Variants in DCAF1 observed in about 807,000 individuals in gnomAD.
The protein encoded by DCAF1 is DDB1- and CUL4-associated factor 1.
In DCAF1, 15 loss-of-function variants were observed where a neutral mutation model predicts 128.0. That is an observed-to-expected ratio of 0.12 (90% CI 0.08 to 0.18). The LOEUF is 0.18. DCAF1 is among the 10% of genes least tolerant of loss of function. The pLI is 1.00. For synonymous variants in DCAF1, 610 were observed against 603.0 expected (o/e 1.01, Z -0.17); for missense variants, 988 against 1,649.5 (o/e 0.60, Z 6.95).
chr3:51,497,412 C>T (rs1272771109), intron 1 of DCAF1, among the ~76,000 whole-genome samples: 2 of 151,450 alleles, frequency 1.3e-5, no homozygotes, highest in African/African-American at 4.9e-5. Context: ...CATGGTGAAA[C>T]CCCGTGTCTA....
chr3:51,427,188 A>G (rs1175965668), intron 13 of DCAF1, among the ~76,000 whole-genome samples, 184 bp downstream of exon 13: 2 of 152,246 alleles, frequency 1.3e-5, no homozygotes, highest in Non-Finnish European at 2.9e-5. Flanking sequence ...AAGACCATAT[A>G]TATGAACAAG....
At chr3:51,444,361 A>T (rs782277303) in intron 6 of DCAF1, among the ~76,000 whole-genome samples, 182 of 133,358 alleles carry the variant, frequency 1.4e-3, no homozygotes, top group South Asian at 5.9e-3. Flanking sequence ...CCTTCTTTTT[A>T]AAAAAAAAAA....
intron 9 of DCAF1, 72 bp downstream of exon 9, chr3:51,440,898 T>TC: frequency 1.5e-6 from 2 of 1,294,904 alleles, no homozygotes; most frequent in Admixed American, 4.2e-5. Flanking sequence ...AGAGTGAGAC[T>TC]CCATCTTAAA....
intron 10 of DCAF1, among the ~76,000 whole-genome samples, chr3:51,431,257 AC>A (rs1448915273): frequency 2.6e-5 from 4 of 151,834 alleles, no homozygotes; most frequent in African/African-American, 9.7e-5. Flanking sequence ...GTGGCTTATG[AC>A]TGTAATCCCA....
upstream of DCAF1, among the ~76,000 whole-genome samples, chr3:51,503,727 C>T (rs1708874694): frequency 6.6e-6 from 1 of 152,138 alleles, no homozygotes; most frequent in South Asian, 2.1e-4. Flanking sequence ...GGCCCCTGTA[C>T]CCCACCCCCA....
intron 2 of DCAF1, among the ~76,000 whole-genome samples, chr3:51,485,780 G>A (rs1706863576): frequency 6.6e-6 from 1 of 152,064 alleles, no homozygotes; most frequent in Non-Finnish European, 1.5e-5. Flanking sequence ...TAATCAAGTA[G>A]ATGCAATTCC....
intron 9 of DCAF1, among the ~76,000 whole-genome samples, chr3:51,439,923 C>T (rs1459748189): frequency 6.6e-6 from 1 of 151,884 alleles, no homozygotes; most frequent in African/African-American, 2.4e-5. Flanking sequence ...ACCCAGGAAG[C>T]GGAGGTTCCA....
chr3:51,448,927 T>C (rs782725421), intron 6 of DCAF1, among the ~76,000 whole-genome samples: 109 of 151,890 alleles, frequency 7.2e-4, no homozygotes, highest in Non-Finnish European at 1.2e-3. Context: ...GTTTTTTTTT[T>C]CCCAGAGTAA....
chr3:51,470,012 T>C (rs562698298), intron 4 of DCAF1, among the ~76,000 whole-genome samples: 42 of 151,556 alleles, frequency 2.8e-4, no homozygotes, highest in African/African-American at 8.7e-4. Context: ...CAGAGCAAGA[T>C]GCCATCTCAA....
intron 1 of DCAF1, among the ~76,000 whole-genome samples, chr3:51,497,575 A>C (rs1250677930): frequency 6.6e-6 from 1 of 151,686 alleles, no homozygotes; most frequent in Non-Finnish European, 1.5e-5. Flanking sequence ...CAACAGAGCA[A>C]GACTCCGTCT....
chr3:51,488,032 T>G (rs569737463), intron 2 of DCAF1, among the ~76,000 whole-genome samples: 1 of 152,088 alleles, frequency 6.6e-6, no homozygotes, highest in South Asian at 2.1e-4. Context: ...GCCCGGCTAA[T>G]TTTTGTACTT....
In DCAF1 at chr3:51,489,090, C is replaced by T. The variant is rs563466808; in HGVS notation, c.-8-5254G>A. 1.3e-4 allele frequency among the ~76,000 whole-genome samples: 20 copies of T among 152,262 alleles called. No individual in the cohort carries two copies. The East Asian group carries it at 3.5e-3, about 26-fold the overall frequency. ...AGACTGAAAGCTTTGCCCCAAAAAT[C>T]GGAAACCAGACAACAATGTCTGCCT... On this transcript the variant is annotated intron_variant, in intron 2 of 24. Transcript: ENST00000684031.
At chr3:51,428,716 A>C (rs1413977696) in intron 12 of DCAF1, among the ~76,000 whole-genome samples, 2 of 152,154 alleles carry the variant, frequency 1.3e-5, no homozygotes, top group Admixed American at 6.5e-5. Flanking sequence ...GCTCTTTGCC[A>C]GGTACAGTGG....
At chr3:51,487,212 C>T (rs1337187577) in intron 2 of DCAF1, among the ~76,000 whole-genome samples, 4 of 152,100 alleles carry the variant, frequency 2.6e-5, no homozygotes, top group Admixed American at 6.6e-5. Context: ...CCGCGTGATC[C>T]GCCCACCTCA....
At chr3:51,445,844 G>T (rs1238244069) in intron 6 of DCAF1, among the ~76,000 whole-genome samples, 3 of 152,028 alleles carry the variant, frequency 2.0e-5, no homozygotes, top group Non-Finnish European at 4.4e-5. Context: ...CAGTCTGATG[G>T]GTGTAAAAAC....
intron 2 of DCAF1, among the ~76,000 whole-genome samples, chr3:51,496,521 C>T (rs1708253938): frequency 6.6e-6 from 1 of 151,360 alleles, no homozygotes; most frequent in Non-Finnish European, 1.5e-5. Context: ...ATGGTCTGTC[C>T]AATGGTGACA....
chr3:51,446,353 C>G (rs924432445), intron 6 of DCAF1, among the ~76,000 whole-genome samples: 6 of 152,186 alleles, frequency 3.9e-5, no homozygotes, highest in Non-Finnish European at 5.9e-5. Flanking sequence ...TGGCTCATGC[C>G]TGTAATCCTA....
intron 15 of DCAF1, among the ~76,000 whole-genome samples, chr3:51,419,144 T>A (rs1471588031): frequency 6.6e-6 from 1 of 152,084 alleles, no homozygotes; most frequent in African/African-American, 2.4e-5. Context: ...GGGTATCAAT[T>A]GAGGTCAGGA....
intron 6 of DCAF1, 120 bp from the exon 7 acceptor site, chr3:51,444,023 A>G: frequency 1.1e-6 from 1 of 891,186 alleles, no homozygotes; most frequent in African/African-American, 1.7e-5. Flanking sequence ...TAAGAGTAAA[A>G]AAAGTACTAC....
Sources: gnomAD v4.1 joint callset for allele counts (sites outside exome capture counted in the v4.1 genomes callset) on GRCh38, gnomAD v4.1.1 for gene constraint, MANE v1.5 for transcripts, NCBI Gene and HGNC (gene_info 2026-07-23, HGNC 2026-07-21) for gene names.